Variants in ITPRID1 observed in about 807,000 individuals in gnomAD.
ITPRID1 encodes the protein ITPR interacting domain containing 1.
In ITPRID1, 96 loss-of-function variants were observed where a neutral mutation model predicts 95.4. The ratio of observed to expected loss-of-function variants is 1.01; its 90% CI spans 0.85 to 1.19. ITPRID1 has a LOEUF of 1.19. Ranked by LOEUF, ITPRID1 falls within the 50% of genes most tolerant of loss-of-function variation. ITPRID1 has a pLI of 0.00. For synonymous variants in ITPRID1, 510 were observed against 453.6 expected, an observed-to-expected ratio of 1.12 and a Z score of -1.58; for missense variants, 1,339 against 1,252.9, an observed-to-expected ratio of 1.07 and a Z score of -1.04.
intron 2 of ITPRID1, chr7:31,552,047 G>T: frequency 3.0e-6 from 1 of 335,232 alleles, no homozygotes. Flanking sequence ...TAAGAGAATG[G>T]CCCTTGTTCT....
At chr7:31,558,196 C>A (rs1378468752) in intron 5 of ITPRID1, among the ~76,000 whole-genome samples, 1 of 152,172 alleles carries the variant, frequency 6.6e-6, no homozygotes, top group Non-Finnish European at 1.5e-5. Flanking sequence ...AGGCCCTCAC[C>A]AGATGCAGCC....
At chr7:31,538,067 C>G (rs954661207) in intron 1 of ITPRID1, among the ~76,000 whole-genome samples, 5 of 152,168 alleles carry the variant, frequency 3.3e-5, no homozygotes, top group African/African-American at 1.2e-4. Flanking sequence ...AACTTTTGCT[C>G]TAACAGCGAA....
chr7:31,574,391 GTA>G, intron 7 of ITPRID1, 147 bp from the exon 8 acceptor site: 1 of 679,172 alleles, frequency 1.5e-6, no homozygotes. Flanking sequence ...CTTTAAGTAA[GTA>G]TATAGGAACG....
intron 1 of ITPRID1, among the ~76,000 whole-genome samples, chr7:31,524,301 T>G (rs1316113440): frequency 6.6e-6 from 1 of 152,222 alleles, no homozygotes; most frequent in East Asian, 1.9e-4. Flanking sequence ...AGATATTTAC[T>G]GAGCAATCCT....
chr7:31,589,559 T>C (rs542761399), intron 10 of ITPRID1, among the ~76,000 whole-genome samples: 20 of 152,040 alleles, frequency 1.3e-4, no homozygotes, highest in South Asian at 1.2e-3. Context: ...ATCAAACTGA[T>C]AGAAATCAAA....
intron 10 of ITPRID1, among the ~76,000 whole-genome samples, chr7:31,605,137 C>CAAAA (rs11462101): frequency 2.0e-5 from 3 of 146,562 alleles, no homozygotes; most frequent in South Asian, 2.2e-4. Flanking sequence ...GACCCCATCT[C>CAAAA]AAAAAAAAAA....
rs565808352 is a variant in ITPRID1, at chr7:31,655,212, G to A, written c.*2383G>A. Among the ~76,000 whole-genome samples the A allele has an allele frequency of 6.6e-6, 1 of 152,212 alleles. No homozygotes were observed. Among genetic ancestry groups the A allele is most frequent in the South Asian group, 2.1e-4 (1 of 4,826 alleles). On this transcript the variant is annotated 3_prime_UTR_variant, in exon 15 of 15. Coordinates refer to ENST00000615280, the MANE Select transcript of ITPRID1 (RefSeq NM_001257967.3). The stretch of plus-strand genomic sequence containing the variant: ...TTGCCCCAACTCAGTTCATCTTCCT[G>A]ATCCTCTCTGTCAGTGGCACAGCCT...
chr7:31,540,566 G>A (rs145676408), intron 1 of ITPRID1, among the ~76,000 whole-genome samples: 465 of 152,260 alleles, frequency 3.1e-3, no homozygotes, highest in African/African-American at 0.011. Flanking sequence ...ACAAATCATG[G>A]TAGGACTGGT....
intron 5 of ITPRID1, among the ~76,000 whole-genome samples, 189 bp from the exon 6 acceptor site, chr7:31,569,569 C>G (rs1227972192): frequency 2.6e-5 from 4 of 152,220 alleles, no homozygotes; most frequent in Non-Finnish European, 5.9e-5. Flanking sequence ...TACATTTCTT[C>G]ACGTGTTTGT....
At chr7:31,644,346 T>A (rs1790286014) in intron 12 of ITPRID1, among the ~76,000 whole-genome samples, 1 of 152,218 alleles carries the variant, frequency 6.6e-6, no homozygotes, top group African/African-American at 2.4e-5. Context: ...CCATTTAATC[T>A]TTTTGTAAAA....
chr7:31,614,748 G>A (rs1787045028), intron 10 of ITPRID1, among the ~76,000 whole-genome samples: 1 of 152,178 alleles, frequency 6.6e-6, no homozygotes, highest in Non-Finnish European at 1.5e-5. Flanking sequence ...GCCAGGAAAG[G>A]TTCTCTGAGG....
intron 2 of ITPRID1, among the ~76,000 whole-genome samples, chr7:31,551,387 G>A (rs1418955062): frequency 7.0e-6 from 1 of 143,714 alleles, no homozygotes; most frequent in Non-Finnish European, 1.6e-5. Context: ...CCAAAGGTTA[G>A]GAACATAATT....
intron 10 of ITPRID1, among the ~76,000 whole-genome samples, chr7:31,638,834 TG>T (rs1789731986): frequency 6.6e-6 from 1 of 152,144 alleles, no homozygotes; most frequent in Non-Finnish European, 1.5e-5. Flanking sequence ...TGGAGTGGAG[TG>T]ACCCAATCTC....
At chr7:31,542,967 A>G (rs947023460) in intron 1 of ITPRID1, among the ~76,000 whole-genome samples, 1 of 152,172 alleles carries the variant, frequency 6.6e-6, no homozygotes, top group Non-Finnish European at 1.5e-5. Context: ...AATTAATTAG[A>G]GCTTTTTAAA....
intron 1 of ITPRID1, chr7:31,518,251 C>G (rs1310510962): frequency 6.6e-6 from 1 of 152,256 alleles, no homozygotes; most frequent in Non-Finnish European, 1.5e-5. Context: ...TCCTTTAGAG[C>G]TTCCAGGAAG....
At chr7:31,591,710 C>T (rs1308958505) in intron 10 of ITPRID1, among the ~76,000 whole-genome samples, 1 of 152,122 alleles carries the variant, frequency 6.6e-6, no homozygotes, top group Non-Finnish European at 1.5e-5. Flanking sequence ...GGTGACATTG[C>T]CACTCTTAGG....
rs751728080 is a variant in ITPRID1 at position 31,652,534 on chromosome 7, C to T, written c.2840C>T (p.Thr947Ile). ...TCCTTTTAGCAGCTGGAGGTTCTCA[C>T]AGCAGAGCCACCTGAACACTATTCA... ...EGILLQLEVL[T>I]AEPPEHYSNL... is the part of the protein sequence containing the mutation. The change falls in exon 15 of 15, where the codon ACA (threonine) becomes ATA (isoleucine). Residue 947 changes from threonine to isoleucine, a missense_variant. By Grantham distance (89) the Thr-to-Ile change is moderately conservative (BLOSUM62 -1). Coordinates refer to ENST00000615280, the MANE Select transcript of ITPRID1 (RefSeq NM_001257967.3). 1.2e-6 allele frequency: 2 copies of T among 1,601,388 alleles called. No individual in the cohort carries two copies. Among genetic ancestry groups the T allele is most frequent in the South Asian group, 1.1e-5 (1 of 89,180 alleles).
chr7:31,629,800 T>C (rs2128191759), intron 10 of ITPRID1, among the ~76,000 whole-genome samples: 1 of 152,240 alleles, frequency 6.6e-6, no homozygotes, highest in East Asian at 1.9e-4. Context: ...ACACTTCAGA[T>C]AAGAAAGGCC....
chr7:31,612,848 T>TAG (rs558486309), intron 10 of ITPRID1, among the ~76,000 whole-genome samples: 41 of 152,006 alleles, frequency 2.7e-4, no homozygotes, highest in African/African-American at 9.7e-4. Flanking sequence ...CAGCCTTTTG[T>TAG]AGATCCACAC....
Sources: gnomAD v4.1 joint callset for allele counts (sites outside exome capture counted in the v4.1 genomes callset) on GRCh38, gnomAD v4.1.1 for gene constraint, MANE v1.5 for transcripts, NCBI Gene and HGNC (gene_info 2026-07-23, HGNC 2026-07-21) for gene names.